Variants in SLC39A8 observed in about 807,000 individuals in gnomAD.
SLC39A8 encodes the protein metal cation symporter ZIP8.
In SLC39A8, 15 loss-of-function variants were observed where a neutral mutation model predicts 40.4. The observed-to-expected ratio is 0.37, with a 90% CI of 0.25 to 0.57. The LOEUF (loss-of-function observed/expected upper bound fraction) is 0.57, where lower values mean the gene tolerates loss of function less well. Ranked by LOEUF, SLC39A8 falls within the 20% of genes least tolerant of loss-of-function variation. The pLI is 0.75. For synonymous variants in SLC39A8, 223 were observed against 221.6 expected, an observed-to-expected ratio of 1.01 and a Z score of -0.06; for missense variants, 472 against 558.8, an observed-to-expected ratio of 0.84 and a Z score of 1.57.
intron 6 of SLC39A8, among the ~76,000 whole-genome samples, chr4:102,275,135 C>G (rs1732558116): frequency 6.6e-6 from 1 of 151,908 alleles, no homozygotes; most frequent in African/African-American, 2.4e-5. Context: ...TTAAATGGCC[C>G]AATTAAAAGG....
chr4:102,294,564 A>G (rs1012991145), intron 6 of SLC39A8, among the ~76,000 whole-genome samples: 1 of 152,038 alleles, frequency 6.6e-6, no homozygotes, highest in African/African-American at 2.4e-5. Flanking sequence ...TCTTAAGAAT[A>G]TTCCATGCAT....
At chr4:102,259,417 C>A (rs916406911), downstream of SLC39A8, 7 of 1,388,462 alleles carry the variant, frequency 5.0e-6, no homozygotes, top group Non-Finnish European at 7.0e-6. Flanking sequence ...TTAAAACATG[C>A]AAGCCCACCC....
At chr4:102,319,637 C>G (rs1734819006) in intron 2 of SLC39A8, among the ~76,000 whole-genome samples, 1 of 152,020 alleles carries the variant, frequency 6.6e-6, no homozygotes. Flanking sequence ...CCACTCCTAC[C>G]CCTGCTCCTC....
chr4:102,269,124 T>C (rs189459124), intron 6 of SLC39A8, among the ~76,000 whole-genome samples: 5 of 152,202 alleles, frequency 3.3e-5, no homozygotes. Flanking sequence ...GAAGTGTATT[T>C]ACATTGGAGA....
At chr4:102,259,634 A>G (rs1731792779), downstream of SLC39A8, 46 of 701,650 alleles carry the variant, frequency 6.6e-5, no homozygotes, top group South Asian at 9.0e-4. Flanking sequence ...GTTGCTTAGC[A>G]TGGCCAACCC....
At chr4:102,301,861 C>T (rs759637191) in intron 6 of SLC39A8, among the ~76,000 whole-genome samples, 3 of 152,000 alleles carry the variant, frequency 2.0e-5, no homozygotes, top group Non-Finnish European at 4.4e-5. Flanking sequence ...TTTAGCCTCT[C>T]ACAAAAGCTG....
At chr4:102,340,997 G>A (rs1735918116) in intron 2 of SLC39A8, among the ~76,000 whole-genome samples, 1 of 152,198 alleles carries the variant, frequency 6.6e-6, no homozygotes, top group Non-Finnish European at 1.5e-5. Flanking sequence ...TTTAGTGGGT[G>A]CTAGGTCTGG....
At chr4:102,255,653 G>A (rs932205067) in intron 11 of SLC39A8, among the ~76,000 whole-genome samples, 9 of 152,158 alleles carry the variant, frequency 5.9e-5, no homozygotes, top group African/African-American at 2.2e-4. Flanking sequence ...CTCCAGTAGG[G>A]GTTGGGAGAA....
At chr4:102,328,490 G>A (rs995646767) in intron 2 of SLC39A8, among the ~76,000 whole-genome samples, 2 of 152,148 alleles carry the variant, frequency 1.3e-5, no homozygotes, top group African/African-American at 4.8e-5. Context: ...AGGATGATGA[G>A]GAGGGAAAGG....
intron 6 of SLC39A8, among the ~76,000 whole-genome samples, chr4:102,272,189 T>G (rs546640835): frequency 1.3e-5 from 2 of 151,820 alleles, no homozygotes; most frequent in Non-Finnish European, 2.9e-5. Context: ...AATATATTAC[T>G]TTGGGAGGCC....
chr4:102,328,926 G>A (rs1412490832), intron 2 of SLC39A8, among the ~76,000 whole-genome samples: 1 of 151,986 alleles, frequency 6.6e-6, no homozygotes, highest in African/African-American at 2.4e-5. Context: ...TACTCGGGAG[G>A]CTGAGGCAGG....
intron 3 of SLC39A8, among the ~76,000 whole-genome samples, chr4:102,308,420 A>C (rs1361123527): frequency 6.6e-6 from 1 of 152,124 alleles, no homozygotes; most frequent in East Asian, 1.9e-4. Flanking sequence ...TTAGAATAAA[A>C]TGAATGAATA....
chr4:102,262,834 C>A lies in SLC39A8; in HGVS notation c.*210G>T, dbSNP rs892915859. The A allele has an allele frequency of 7.5e-7, 1 of 1,332,888 alleles. No homozygotes were observed. The highest frequency in any genetic ancestry group is 9.6e-7 in the Non-Finnish European group (1 of 1,043,538). 82.6% of individuals were successfully genotyped at this position (1,332,888 alleles called of 1,614,324 possible). ...TTCCCAAAGGCTCCTATATACCAGGCATCTCAGACTGACACTGAAAACCTT... is the reference window on the plus strand; with the variant it reads ...TTCCCAAAGGCTCCTATATACCAGGAATCTCAGACTGACACTGAAAACCTT... On this transcript the variant is annotated 3_prime_UTR_variant, in exon 9 of 9. Transcript: ENST00000356736.
At chr4:102,288,389 C>A (rs552791680) in intron 6 of SLC39A8, among the ~76,000 whole-genome samples, 124 of 152,126 alleles carry the variant, frequency 8.2e-4, no homozygotes, top group African/African-American at 2.6e-3. Flanking sequence ...CAATTTCCTC[C>A]CTTCTGTAGG....
rs573406127 is a variant in SLC39A8, at chr4:102,330,653, ACT to A, written c.219+13789_219+13790del. Among the ~76,000 whole-genome samples the A allele has an allele frequency of 1.3e-4, 20 of 152,118 alleles. 1 individual carries two copies. In the South Asian group the frequency reaches 2.5e-3, roughly 19 times the overall value. On this transcript the variant is annotated intron_variant, in intron 2 of 8. Coordinates refer to ENST00000356736, the MANE Select transcript of SLC39A8 (RefSeq NM_001135146.2). ...TATCCCAAACAGTAGAAAAAGAGAG[ACT>A]CTTCCCTAACTCATTTTACGAGGTC...
chr4:102,268,016 T>C lies in SLC39A8; in HGVS notation c.904A>G (p.Thr302Ala). 1 of 1,614,204 alleles carries C rather than the reference T, an allele frequency of 6.2e-7. No individual in the cohort carries two copies. Among genetic ancestry groups the C allele is most frequent in the Non-Finnish European group, 8.5e-7 (1 of 1,180,046 alleles). Residue 302 changes from threonine to alanine, a missense_variant, in exon 7 of 9, where the codon ACG (threonine) becomes GCG (alanine). Coordinates refer to ENST00000356736, the MANE Select transcript of SLC39A8 (RefSeq NM_001135146.2). ...LKGPKLSEIG[T>A]IAWMITLCDA... is the part of the protein sequence containing the mutation. ...CAGAGCGTTATCATCCAGGCAATCG[T>C]CCCTATTTCTGACAGTTTGGGCCCC... is the stretch of plus-strand genomic sequence containing the variant.
chr4:102,323,865 T>C (rs921651901), intron 2 of SLC39A8, among the ~76,000 whole-genome samples: 1 of 152,228 alleles, frequency 6.6e-6, no homozygotes, highest in African/African-American at 2.4e-5. Flanking sequence ...ATTGAGACCC[T>C]GGCAGAGAAT....
downstream of SLC39A8, among the ~76,000 whole-genome samples, chr4:102,258,417 T>A (rs1038259829): frequency 6.6e-6 from 1 of 152,172 alleles, no homozygotes; most frequent in Non-Finnish European, 1.5e-5. Flanking sequence ...GGTGGCACAA[T>A]GGCTGTTCTC....
chr4:102,344,290 G>A (rs1369667483), intron 2 of SLC39A8, among the ~76,000 whole-genome samples, 154 bp downstream of exon 2: 1 of 151,972 alleles, frequency 6.6e-6, no homozygotes, highest in African/African-American at 2.4e-5. Flanking sequence ...GCCTCGTCTA[G>A]TGAAAAGCAA....
Sources: allele counts gnomAD v4.1 joint callset (sites outside exome capture counted in the v4.1 genomes callset), GRCh38; gene constraint gnomAD v4.1.1; transcripts MANE v1.5; gene names NCBI Gene and HGNC (gene_info 2026-07-23, HGNC 2026-07-21).